The following FAM153A variants were observed in gnomAD, a reference collection of about 807,000 sequenced individuals.
FAM153A encodes family with sequence similarity 153 member A.
A neutral mutation model predicts 48.1 loss-of-function variants in FAM153A; 12 were observed. The observed-to-expected ratio is 0.25, with a 90% CI of 0.16 to 0.40. The LOEUF is 0.40. Among genes scored for constraint, FAM153A ranks in the 10% least tolerant of loss-of-function variants. The probability of loss-of-function intolerance (pLI) is 1.00; values close to 1 mark genes in which losing one functional copy is unlikely to be tolerated. For synonymous variants in FAM153A, 36 were observed against 118.2 expected, an observed-to-expected ratio of 0.30 and a Z score of 4.51; for missense variants, 111 against 345.8, an observed-to-expected ratio of 0.32 and a Z score of 5.38.
upstream of FAM153A, among the ~76,000 whole-genome samples, chr5:177,753,959 C>G (rs1481729878): frequency 4.6e-5 from 7 of 151,942 alleles, no homozygotes. Context: ...GTATCAGGCT[C>G]ACCTCATTGG....
upstream of FAM153A, among the ~76,000 whole-genome samples, chr5:177,781,264 A>ATTTTT (rs1303137176): frequency 7.2e-3 from 540 of 75,220 alleles, 2 homozygotes; most frequent in African/African-American, 0.011. Flanking sequence ...ACGCCCGGCT[A>ATTTTT]TTTTTTTTTT....
downstream of FAM153A, among the ~76,000 whole-genome samples, chr5:177,717,621 A>AT (rs1334330824): frequency 6.7e-6 from 1 of 148,514 alleles, no homozygotes; most frequent in East Asian, 2.0e-4. Context: ...CTCAACCAAA[A>AT]TTATTAAACA....
downstream of FAM153A, among the ~76,000 whole-genome samples, chr5:177,718,918 A>G (rs1474460080): frequency 6.6e-6 from 1 of 151,294 alleles, no homozygotes; most frequent in Non-Finnish European, 1.5e-5. Context: ...GTCTTGTTCT[A>G]TTATCCAGAC....
chr5:177,729,629 A>G, intron 16 of FAM153A, 74 bp from the exon 19 acceptor site: 1 of 1,605,486 alleles, frequency 6.2e-7, no homozygotes, highest in Non-Finnish European at 8.5e-7. Context: ...AGCTGTGGAC[A>G]CGGGGCTGGC....
chr5:177,743,201 G>GTT lies in FAM153A; in HGVS notation c.364+1191_364+1192dup, dbSNP rs1191782624. On this transcript the variant is annotated intron_variant, in intron 6 of 20. Transcript: ENST00000614127. The stretch of plus-strand genomic sequence containing the variant: ...AACTGCATTCACTTGTTTTTTTTTT[G>GTT]TTTTGTTTTTTTTTTTTTTGCAACA... Among the ~76,000 whole-genome samples the GTT allele has an allele frequency of 1.5e-4, 13 of 86,474 alleles. 1 individual carries two copies. Among genetic ancestry groups the GTT allele is most frequent in the African/African-American group, 4.6e-4 (12 of 25,988 alleles). 56.7% of individuals were successfully genotyped at this position (86,474 alleles called of 152,430 possible). A position where few individuals can be genotyped will look rare whatever the true frequency, so the allele number is the denominator to read the frequency against.
chr5:177,735,205 C>G (rs1344152311), intron 12 of FAM153A, among the ~76,000 whole-genome samples: 3 of 150,056 alleles, frequency 2.0e-5, no homozygotes, highest in Non-Finnish European at 2.9e-5. Flanking sequence ...CTAACTTGCC[C>G]TCTTATTGAT....
At position 177,735,297 on chromosome 5, in the gene FAM153A, A is replaced by C. The variant is rs946346145; in HGVS notation, c.665-364T>G. ...TCCCTTCTAGAAGATTTTGTACGGA[A>C]TAAGAAGCAACCTTTCTTAAAATAG... On this transcript the variant is annotated intron_variant, in intron 12 of 20. Coordinates refer to ENST00000614127, the Ensembl canonical transcript of FAM153A. 9.0e-4 allele frequency among the ~76,000 whole-genome samples: 128 copies of C among 141,482 alleles called. 1 individual carries two copies. Among genetic ancestry groups the C allele is most frequent in the Non-Finnish European group, 1.7e-3 (110 of 66,278 alleles). The allele number at this position is 141,482 out of a possible 152,430, so 92.8% of individuals were successfully genotyped here.
chr5:177,719,170 C>T (rs1760553853), downstream of FAM153A, among the ~76,000 whole-genome samples: 1 of 151,324 alleles, frequency 6.6e-6, no homozygotes, highest in African/African-American at 2.4e-5. Flanking sequence ...AGGTGTGAGC[C>T]ACCTCGCCTG....
upstream of FAM153A, among the ~76,000 whole-genome samples, chr5:177,755,959 T>C (rs1582490368): frequency 6.6e-6 from 1 of 150,444 alleles, no homozygotes; most frequent in African/African-American, 2.5e-5. Context: ...AACATCATAA[T>C]GACAGGATCA....
chr5:177,779,223 A>ACCC (rs1769468304), intron 1 of FAM153A, among the ~76,000 whole-genome samples: 1 of 147,518 alleles, frequency 6.8e-6, no homozygotes, highest in South Asian at 2.2e-4. Flanking sequence ...AGGCTGTGTT[A>ACCC]TCCACTACTC....
chr5:177,704,958 A>ACC (rs1757746932), downstream of FAM153A, among the ~76,000 whole-genome samples: 1 of 149,826 alleles, frequency 6.7e-6, no homozygotes, highest in Admixed American at 6.6e-5. Context: ...CCAAGATCAC[A>ACC]CCACCGCACT....
chr5:177,700,965 G>T, the FAM153A span, among the ~76,000 whole-genome samples: 7 of 151,932 alleles, frequency 4.6e-5, no homozygotes, highest in African/African-American at 1.7e-4. Flanking sequence ...ATAATCCCCA[G>T]TGTTGGAAGT....
At chr5:177,764,387 C>T (rs576421166) in intron 1 of FAM153A, among the ~76,000 whole-genome samples, 15 of 151,246 alleles carry the variant, frequency 9.9e-5, no homozygotes, top group Middle Eastern at 3.4e-3. Context: ...CAAGTGAGGG[C>T]GACTTCGGCT....
the FAM153A span, among the ~76,000 whole-genome samples, chr5:177,695,010 A>G: frequency 9.6e-4 from 141 of 146,680 alleles, 1 homozygote; most frequent in South Asian, 8.3e-3. Flanking sequence ...TGCAATCTCC[A>G]CCTCCCGGGT....
At chr5:177,710,659 C>G (rs1758331814), downstream of FAM153A, among the ~76,000 whole-genome samples, 1 of 145,696 alleles carries the variant, frequency 6.9e-6, no homozygotes, top group Non-Finnish European at 1.5e-5. Flanking sequence ...TGCCTGTAAT[C>G]CCAGCATTTT....
Position 177,736,559 on chromosome 5 carries a change from G to T in FAM153A, c.664+20C>A. On this transcript the variant is annotated intron_variant, in intron 12 of 20. Transcript: ENST00000614127. ...CTAATATTTTGAACCTAAACAAAGAGATGATCCCAGAATACGTACATTCGG... is the reference window on the plus strand; with the variant it reads ...CTAATATTTTGAACCTAAACAAAGATATGATCCCAGAATACGTACATTCGG... 2 of 1,359,090 alleles carry T rather than the reference G, an allele frequency of 1.5e-6. No homozygotes were observed. The highest frequency in any genetic ancestry group is 2.0e-6 in the Non-Finnish European group (2 of 992,094). The allele number at this position is 1,359,090 out of a possible 1,614,324, so 84.2% of individuals were successfully genotyped here. A position where few individuals can be genotyped will look rare whatever the true frequency, so the allele number is the denominator to read the frequency against.
At chr5:177,743,600 CCA>C (rs1765668738) in intron 6 of FAM153A, among the ~76,000 whole-genome samples, 1 of 97,126 alleles carries the variant, frequency 1.0e-5, no homozygotes, top group Non-Finnish European at 2.1e-5. Flanking sequence ...TCTCAGTTTC[CCA>C]GCAGAACTCG....
At chr5:177,779,094 A>G (rs1170088703) in intron 1 of FAM153A, among the ~76,000 whole-genome samples, 1 of 151,638 alleles carries the variant, frequency 6.6e-6, no homozygotes, top group African/African-American at 2.4e-5. Flanking sequence ...CTGATCATAG[A>G]GTTCCTTTTA....
intron 1 of FAM153A, among the ~76,000 whole-genome samples, chr5:177,759,668 C>A (rs2127710306): frequency 6.6e-6 from 1 of 151,508 alleles, no homozygotes; most frequent in East Asian, 1.9e-4. Flanking sequence ...TTTGTAGGGA[C>A]ATGGATGAAG....
Sources: gnomAD v4.1 joint callset for allele counts (sites outside exome capture counted in the v4.1 genomes callset) on GRCh38, gnomAD v4.1.1 for gene constraint, MANE v1.5 for transcripts, NCBI Gene and HGNC (gene_info 2026-07-23, HGNC 2026-07-21) for gene names.